The following DCDC1 variants were observed in gnomAD, a reference collection of about 807,000 sequenced individuals.
The protein encoded by DCDC1 is doublecortin domain-containing protein 1.
DCDC1 carries 200 observed loss-of-function variants against 178.3 expected under a neutral mutation model. The ratio of observed to expected loss-of-function variants is 1.12; its 90% CI spans 1.00 to 1.26. DCDC1 has a LOEUF of 1.26. Among genes scored for constraint, DCDC1 ranks in the 50% most tolerant of loss-of-function variants. The pLI is 0.00. For missense variants in DCDC1, 1,983 were observed against 1,749.2 expected (o/e 1.13, Z -2.38); for synonymous variants, 690 against 604.8 (o/e 1.14, Z -2.07).
At chr11:31,360,056 T>G (rs1951628228) in intron 1 of DCDC1, among the ~76,000 whole-genome samples, 1 of 152,196 alleles carries the variant, frequency 6.6e-6, no homozygotes, top group African/African-American at 2.4e-5. Context: ...AAATGTTAGT[T>G]CCTATTTTTG....
chr11:31,169,511 T>G (rs1966950712), intron 9 of DCDC1, among the ~76,000 whole-genome samples: 1 of 152,178 alleles, frequency 6.6e-6, no homozygotes, highest in Admixed American at 6.6e-5. Flanking sequence ...TTCCTCAGGT[T>G]CTATGACCTG....
At chr11:31,139,920 A>G (rs1200327367) in intron 9 of DCDC1, among the ~76,000 whole-genome samples, 1 of 152,248 alleles carries the variant, frequency 6.6e-6, no homozygotes, top group Admixed American at 6.5e-5. Flanking sequence ...TCATCAAAAT[A>G]TAAGGATACA....
At chr11:31,036,578 T>C (rs1565206613) in intron 20 of DCDC1, among the ~76,000 whole-genome samples, 1 of 152,216 alleles carries the variant, frequency 6.6e-6, no homozygotes, top group Non-Finnish European at 1.5e-5. Context: ...GCTTTATGAA[T>C]ATTTAGTAAA....
intron 9 of DCDC1, among the ~76,000 whole-genome samples, chr11:31,203,075 A>C (rs1218929915): frequency 6.6e-6 from 1 of 152,158 alleles, no homozygotes; most frequent in African/African-American, 2.4e-5. Flanking sequence ...GGAGAGGAAA[A>C]ATAACCAAAA....
At chr11:31,183,810 T>C (rs1449411045) in intron 9 of DCDC1, among the ~76,000 whole-genome samples, 1 of 152,150 alleles carries the variant, frequency 6.6e-6, no homozygotes, top group African/African-American at 2.4e-5. Flanking sequence ...AGGAAAAACA[T>C]TCCATGTTCA....
chr11:31,186,743 A>T (rs1969545414), intron 9 of DCDC1, among the ~76,000 whole-genome samples: 1 of 152,216 alleles, frequency 6.6e-6, no homozygotes, highest in African/African-American at 2.4e-5. Flanking sequence ...GATGGCAAAG[A>T]AGCAGCAGAT....
intron 17 of DCDC1, among the ~76,000 whole-genome samples, chr11:31,081,214 G>T (rs1957147746): frequency 6.6e-6 from 1 of 152,130 alleles, no homozygotes; most frequent in South Asian, 2.1e-4. Flanking sequence ...TAATCATAAA[G>T]CCATCTGAAA....
chr11:30,983,088 A>G (rs1950472773), intron 20 of DCDC1, among the ~76,000 whole-genome samples: 1 of 152,196 alleles, frequency 6.6e-6, no homozygotes, highest in Non-Finnish European at 1.5e-5. Context: ...CTAATATAAC[A>G]GGAATAGATA....
chr11:30,878,758 T>C (rs774877883), intron 37 of DCDC1, 47 bp from the exon 38 acceptor site: 14 of 1,512,178 alleles, frequency 9.3e-6, no homozygotes, highest in Admixed American at 4.6e-5. Flanking sequence ...GTCAATGTTA[T>C]AGAAAATAAT....
At chr11:31,115,994 GAT>G (rs146343924) in intron 11 of DCDC1, among the ~76,000 whole-genome samples, 687 of 86,410 alleles carry the variant, frequency 8.0e-3, no homozygotes, top group Middle Eastern at 0.011. Context: ...GGGGGGGGGG[GAT>G]GGGTATCTCA....
At chr11:30,872,305 A>G (rs2133927611) in intron 38 of DCDC1, among the ~76,000 whole-genome samples, 1 of 152,268 alleles carries the variant, frequency 6.6e-6, no homozygotes, top group Non-Finnish European at 1.5e-5. Context: ...GAAGTACTTG[A>G]AATACAGCTA....
intron 9 of DCDC1, among the ~76,000 whole-genome samples, chr11:31,212,055 C>G (rs1972600550): frequency 6.7e-6 from 1 of 150,284 alleles, no homozygotes; most frequent in Admixed American, 6.6e-5. Flanking sequence ...TGCACTCCAG[C>G]CTGGGCGACA....
chr11:31,146,724 T>C (rs1019997379), intron 9 of DCDC1, among the ~76,000 whole-genome samples: 12 of 152,292 alleles, frequency 7.9e-5, no homozygotes, highest in African/African-American at 2.6e-4. Flanking sequence ...CCTGTGTTAT[T>C]AGAAACTCCT....
At position 31,307,915 on chromosome 11, in the gene DCDC1, G is replaced by A. The variant is rs1948559096; in HGVS notation, c.165-7C>T. On this transcript the variant is annotated splice_polypyrimidine_tract_variant and splice_region_variant and intron_variant, in intron 3 of 38. Coordinates refer to ENST00000684477, the MANE Select transcript of DCDC1 (RefSeq NM_001387274.1). ...CTGGGATGACATAAACTCTCTGGAA[G>A]AAACAATGCATGGAAGAATACAATT... 1.2e-6 allele frequency: 2 copies of A among 1,613,550 alleles called. No homozygotes were observed. Among genetic ancestry groups the A allele is most frequent in the Admixed American group, 1.7e-5 (1 of 59,954 alleles).
chr11:31,336,686 T>C (rs754182363), intron 1 of DCDC1, among the ~76,000 whole-genome samples: 12 of 152,240 alleles, frequency 7.9e-5, no homozygotes, highest in South Asian at 4.1e-4. Context: ...CCATTCCTTG[T>C]TCCTTCTACA....
intron 20 of DCDC1, among the ~76,000 whole-genome samples, chr11:31,032,463 G>T (rs971037146): frequency 1.3e-5 from 2 of 151,398 alleles, no homozygotes; most frequent in African/African-American, 4.9e-5. Context: ...GAAACAAAAT[G>T]AACAAATAAC....
chr11:30,977,580 T>C (rs938926486), intron 20 of DCDC1, among the ~76,000 whole-genome samples: 12 of 152,224 alleles, frequency 7.9e-5, no homozygotes, highest in Admixed American at 1.3e-4. Flanking sequence ...TATTTGTTCA[T>C]AAAGCATTTT....
At chr11:31,093,955 T>G in intron 16 of DCDC1, 95 bp downstream of exon 16, 1 of 692,420 alleles carries the variant, frequency 1.4e-6, no homozygotes, top group South Asian at 1.6e-5. Context: ...CTTTCACTTG[T>G]ATGCCCATGT....
rs116554594 is a variant in DCDC1, at chr11:31,213,200, G to A, written c.1221+28250C>T. On this transcript the variant is annotated intron_variant, in intron 9 of 38. Transcript: ENST00000684477. ...AGGGCAGTGGTTTGCTGTCCTCCAA[G>A]AAAGGCATGTGGCTCTTCAGTCACT... Among the ~76,000 whole-genome samples, 31 of 136,848 alleles carry A rather than the reference G, an allele frequency of 2.3e-4. 1 individual carries two copies. Among genetic ancestry groups the A allele is most frequent in the African/African-American group, 7.3e-4 (26 of 35,838 alleles). 89.8% of individuals were successfully genotyped at this position (136,848 alleles called of 152,430 possible).
Sources: gnomAD v4.1 joint callset for allele counts (sites outside exome capture counted in the v4.1 genomes callset) on GRCh38, gnomAD v4.1.1 for gene constraint, MANE v1.5 for transcripts, NCBI Gene and HGNC (gene_info 2026-07-23, HGNC 2026-07-21) for gene names.